HGD: variants seen among roughly 807,000 people sequenced by gnomAD.
HGD encodes homogentisate oxidase.
Under a neutral mutation model 60.8 loss-of-function variants are expected in HGD, and 61 were observed. The ratio of observed to expected loss-of-function variants is 1.00; its 90% CI spans 0.82 to 1.24. The LOEUF (loss-of-function observed/expected upper bound fraction) is 1.24, where lower values mean the gene tolerates loss of function less well. HGD is among the 50% of genes most tolerant of loss of function. The pLI is 0.00. For synonymous variants in HGD, 212 were observed against 187.7 expected (o/e 1.13, Z -1.06); for missense variants, 542 against 547.1 (o/e 0.99, Z 0.09).
At chr3:120,653,770 AG>A (rs1941412594) in intron 4 of HGD, among the ~76,000 whole-genome samples, 1 of 152,196 alleles carries the variant, frequency 6.6e-6, no homozygotes, top group African/African-American at 2.4e-5. Flanking sequence ...GGGGTATAAT[AG>A]GGGGACCTGA....
chr3:120,680,591 A>C (rs1046764092), intron 1 of HGD, among the ~76,000 whole-genome samples: 1 of 152,242 alleles, frequency 6.6e-6, no homozygotes, highest in Admixed American at 6.5e-5. Context: ...GTTCATCAGA[A>C]AACAAAGTTT....
chr3:120,649,139 CTTTT>C (rs10572267), intron 6 of HGD, among the ~76,000 whole-genome samples: 2,199 of 94,380 alleles, frequency 0.023, 19 homozygotes, highest in Middle Eastern at 0.044. Flanking sequence ...TCTTCTTTTT[CTTTT>C]TTTTTTTTTT....
chr3:120,634,128 C>T (rs1390526493), intron 12 of HGD, among the ~76,000 whole-genome samples: 4 of 152,118 alleles, frequency 2.6e-5, no homozygotes, highest in Non-Finnish European at 5.9e-5. Flanking sequence ...GATTACCTCC[C>T]GGGCTCTGCC....
At chr3:120,642,579 C>A (rs1033881496) in intron 10 of HGD, among the ~76,000 whole-genome samples, 4 of 152,154 alleles carry the variant, frequency 2.6e-5, no homozygotes, top group Non-Finnish European at 5.9e-5. Context: ...AAGGTGTATA[C>A]AGTCTCACCA....
chr3:120,659,722 A>G (rs1355731702), intron 4 of HGD, among the ~76,000 whole-genome samples: 1 of 152,166 alleles, frequency 6.6e-6, no homozygotes, highest in Non-Finnish European at 1.5e-5. Flanking sequence ...ACTCCTTGGT[A>G]CCAATTTTCT....
At chr3:120,634,315 C>T (rs1449266778) in intron 12 of HGD, among the ~76,000 whole-genome samples, 2 of 152,226 alleles carry the variant, frequency 1.3e-5, no homozygotes, top group Admixed American at 6.5e-5. Context: ...TGCTTCCACT[C>T]TTCCAATCTT....
At chr3:120,649,345 A>G (rs1227180869) in intron 6 of HGD, among the ~76,000 whole-genome samples, 3 of 151,212 alleles carry the variant, frequency 2.0e-5, no homozygotes, top group African/African-American at 7.3e-5. Flanking sequence ...GGGTTTCACT[A>G]TGTTGGCTAG....
Position 120,633,254 on chromosome 3 carries a change from C to G in HGD, c.1081G>C (p.Gly361Arg), listed in dbSNP as rs765219004. Reference sequence around the variant, plus strand: ...GTCATTGTGCTGTGTAGACTCCCTCCCCCTGGCAGGAACCCACCTTGCTTT... The same window carrying G: ...GTCATTGTGCTGTGTAGACTCCCTCGCCCTGGCAGGAACCCACCTTGCTTT... Reference protein sequence around the residue: ...EAKQGGFLPGGGSLHSTMTPH... With the variant: ...EAKQGGFLPGRGSLHSTMTPH... The change falls in exon 13 of 14, where the codon GGA (glycine) becomes CGA (arginine). Residue 361 changes from glycine (G) to arginine (R), a missense_variant. Physicochemically the swap from Gly to Arg is moderately radical, Grantham distance 125. Coordinates refer to ENST00000283871, the MANE Select transcript of HGD (RefSeq NM_000187.4). 3 of 1,614,014 alleles carry G rather than the reference C, an allele frequency of 1.9e-6. No individual in the cohort carries two copies. The highest frequency in any genetic ancestry group is 2.5e-6 in the Non-Finnish European group (3 of 1,180,004).
chr3:120,676,316 G>C (rs1247312201), intron 1 of HGD, among the ~76,000 whole-genome samples: 1 of 152,198 alleles, frequency 6.6e-6, no homozygotes, highest in African/African-American at 2.4e-5. Flanking sequence ...ATCTATATTT[G>C]TGCGAATGCA....
intron 4 of HGD, among the ~76,000 whole-genome samples, chr3:120,655,062 CTCTG>C (rs997318117): frequency 9.2e-5 from 14 of 152,234 alleles, no homozygotes; most frequent in African/African-American, 2.9e-4. Context: ...CAGAGTGAGA[CTCTG>C]TCTAAAAAAC....
intron 6 of HGD, among the ~76,000 whole-genome samples, chr3:120,650,158 C>T (rs1217627298): frequency 6.6e-6 from 1 of 152,110 alleles, no homozygotes; most frequent in Non-Finnish European, 1.5e-5. Context: ...CATTCAGAGC[C>T]CAAAGGTCAA....
intron 13 of HGD, among the ~76,000 whole-genome samples, chr3:120,631,875 T>C (rs1319038505): frequency 6.6e-6 from 1 of 152,174 alleles, no homozygotes; most frequent in Non-Finnish European, 1.5e-5. Flanking sequence ...GTATTGCTCC[T>C]CATAGAAACA....
chr3:120,677,646 T>G (rs1708156382), intron 1 of HGD, among the ~76,000 whole-genome samples: 1 of 152,218 alleles, frequency 6.6e-6, no homozygotes, highest in South Asian at 2.1e-4. Flanking sequence ...GATCTCACCC[T>G]GCCTCCACTT....
In HGD at chr3:120,671,148, A is replaced by G. The variant is rs953128311; in HGVS notation, c.177-616T>C. Among the ~76,000 whole-genome samples, 3 of 152,166 alleles carry G rather than the reference A, an allele frequency of 2.0e-5. No individual in the cohort carries two copies. The East Asian group carries it at 5.8e-4, about 29-fold the overall frequency. ...CATCAGAGCTTAGTGATTTTCTTAT[A>G]TATTTCTTATATATTCTTTCAGATA... On this transcript the variant is annotated intron_variant, in intron 3 of 13. Coordinates refer to ENST00000283871, the MANE Select transcript of HGD (RefSeq NM_000187.4).
chr3:120,633,295 C>G lies in HGD; in HGVS notation c.1040G>C (p.Arg347Pro). Residue 347 changes from arginine to proline, a missense_variant, in exon 13 of 14, where the codon CGA becomes CCA. Coordinates refer to ENST00000283871, the MANE Select transcript of HGD (RefSeq NM_000187.4). The part of the protein sequence containing the change: ...NCMSEFMGLI[R>P]GHYEAKQGGF... ...ACCTTGCTTTGCCTCATAGTGACCT[C>G]GGATGAGTCCCATGAACTCACTCAT... 6.2e-7 allele frequency: 1 copy of G among 1,614,130 alleles called. No individual in the cohort carries two copies. Among genetic ancestry groups the G allele is most frequent in the South Asian group, 1.1e-5 (1 of 91,074 alleles).
intron 5 of HGD, 37 bp from the exon 6 acceptor site, chr3:120,650,902 G>T (rs1467585045): frequency 6.6e-7 from 1 of 1,506,282 alleles, no homozygotes; most frequent in South Asian, 1.1e-5. Context: ...AGGTTAATGT[G>T]AACGGTGCCC....
rs757729739 is a variant in HGD, at chr3:120,650,761, C to G, written c.434+13G>C. ...AAGATGGGCATGTCCTTCCCTAGAA[C>G]TGAGCCACTTACCTGTTCTCCATGG... On this transcript the variant is annotated intron_variant, in intron 6 of 13. Transcript: ENST00000283871. The G allele has an allele frequency of 1.1e-5, 17 of 1,605,092 alleles. No homozygotes were observed. The Admixed American group carries it at 2.3e-4, about 22-fold the overall frequency.
intron 13 of HGD, among the ~76,000 whole-genome samples, chr3:120,630,762 A>G (rs1940558752): frequency 6.8e-6 from 1 of 146,198 alleles, no homozygotes; most frequent in South Asian, 2.1e-4. Flanking sequence ...CAACAAAAGA[A>G]AAATTGACAA....
chr3:120,677,705 A>T (rs908720899), intron 1 of HGD, among the ~76,000 whole-genome samples: 1 of 152,178 alleles, frequency 6.6e-6, no homozygotes, highest in Non-Finnish European at 1.5e-5. Context: ...TCTGTGACCC[A>T]CACCTATTTG....
Sources: gnomAD v4.1 joint callset for allele counts (sites outside exome capture counted in the v4.1 genomes callset) on GRCh38, gnomAD v4.1.1 for gene constraint, MANE v1.5 for transcripts, NCBI Gene and HGNC (gene_info 2026-07-23, HGNC 2026-07-21) for gene names.